The following ZNF17 variants were observed in gnomAD, a reference collection of about 807,000 sequenced individuals.
ZNF17 encodes the protein zinc finger protein 17 (HPF3, KOX 10).
ZNF17 carries 4 observed loss-of-function variants against 7.7 expected under a neutral mutation model. The observed-to-expected ratio is 0.52, with a 90% CI of 0.26 to 1.20. The LOEUF (loss-of-function observed/expected upper bound fraction) is 1.20, where lower values mean the gene tolerates loss of function less well. Among genes scored for constraint, ZNF17 ranks in the 50% most tolerant of loss-of-function variants. The pLI, the probability that ZNF17 is intolerant of heterozygous loss-of-function variation, is 0.14. For synonymous variants in ZNF17, 249 were observed against 258.8 expected, an observed-to-expected ratio of 0.96 and a Z score of 0.36; for missense variants, 738 against 799.5, an observed-to-expected ratio of 0.92 and a Z score of 0.93.
chr19:57,420,955 A>T lies in ZNF17; in HGVS notation c.1469A>T (p.His490Leu), dbSNP rs748526157. 6.2e-7 allele frequency: 1 copy of T among 1,614,198 alleles called. No homozygotes were observed. Among genetic ancestry groups the T allele is most frequent in the Admixed American group, 1.7e-5 (1 of 60,026 alleles). The change falls in exon 4 of 4, where the codon CAT becomes CTT. Residue 490 changes from histidine (H) to leucine (L), a missense_variant. By Grantham distance (99) the His-to-Leu change is moderately conservative. Transcript: ENST00000307658. ...FFVDSCTLKSHQRVHTGERPF... is the reference protein window; with the variant it reads ...FFVDSCTLKSLQRVHTGERPF... ...GTGGACAGCTGTACACTGAAGAGTC[A>T]TCAGAGAGTTCACACTGGAGAAAGA...
rs375225307 is a variant in ZNF17 at position 57,411,448 on chromosome 19, C to G, written c.-21+42C>G. On this transcript the variant is annotated intron_variant, in intron 1 of 3. Coordinates refer to ENST00000307658, the MANE Select transcript of ZNF17 (RefSeq NM_001330617.2). ...AGGGCGCCCCGCCCGATCCCTCCTC[C>G]GAGTGCCGAAGCCCCGAGGAGGGGC... 7.0e-5 allele frequency: 113 copies of G among 1,604,468 alleles called. No individual in the cohort carries two copies. The African/African-American group carries it at 1.4e-3, about 20-fold the overall frequency.
chr19:57,417,424 T>C (rs1188672612), intron 2 of ZNF17, among the ~76,000 whole-genome samples: 2 of 152,136 alleles, frequency 1.3e-5, no homozygotes, highest in Non-Finnish European at 2.9e-5. Context: ...CATGTGTGAT[T>C]GTTAGATAGG....
intron 2 of ZNF17, among the ~76,000 whole-genome samples, chr19:57,414,916 G>A (rs994694081): frequency 2.8e-4 from 43 of 151,432 alleles, no homozygotes; most frequent in Middle Eastern, 3.4e-3. Context: ...GGGTTTCACC[G>A]TGTTAGGATG....
chr19:57,420,068 C>T lies in ZNF17; in HGVS notation c.582C>T (p.Cys194=), dbSNP rs749663430. ...AFQSGQNNYS[C]TQCGKDFCHQ... is the part of the protein sequence containing the mutation. ...AAAGTGGACAGAATAATTACAGCTG[C>T]ACCCAATGTGGGAAAGACTTTTGCC... is the stretch of plus-strand genomic sequence containing the variant. Residue 194 remains cysteine (C), a synonymous_variant, in exon 4 of 4, where the codon TGC becomes TGT. Transcript: ENST00000307658. 6 of 1,614,242 alleles carry T rather than the reference C, an allele frequency of 3.7e-6. No individual in the cohort carries two copies. Among genetic ancestry groups the T allele is most frequent in the Non-Finnish European group, 5.1e-6 (6 of 1,180,044 alleles).
In ZNF17 at chr19:57,414,336, G is replaced by GT. The variant is rs1265171492; in HGVS notation, c.21+715dup. Reference sequence around the variant, plus strand: ...GGCTTGAGCCACCACACCTGGCCTTGTTTTTTTTTTTTTTTCCAGACAGAG... The same window carrying GT: ...GGCTTGAGCCACCACACCTGGCCTTGTTTTTTTTTTTTTTTTCCAGACAGAG... On this transcript the variant is annotated intron_variant, in intron 2 of 3. Coordinates refer to ENST00000307658, the MANE Select transcript of ZNF17 (RefSeq NM_001330617.2). 4.8e-3 allele frequency among the ~76,000 whole-genome samples: 664 copies of GT among 136,996 alleles called. 3 individuals carry two copies. The highest frequency in any genetic ancestry group is 4.2e-3 in the Non-Finnish European group (264 of 62,730). The allele number at this position is 136,996 out of a possible 152,430, so 89.9% of individuals were successfully genotyped here.
At chr19:57,417,829 G>A (rs1365793363) in intron 2 of ZNF17, 83 bp from the exon 3 acceptor site, 2 of 1,522,760 alleles carry the variant, frequency 1.3e-6, no homozygotes, top group Non-Finnish European at 8.8e-7. Context: ...CCTGGCAACA[G>A]AGCGAGACTC....
chr19:57,418,173 C>A, intron 3 of ZNF17, 135 bp downstream of exon 3: 1 of 1,189,676 alleles, frequency 8.4e-7, no homozygotes, highest in Non-Finnish European at 1.2e-6. Flanking sequence ...GTTGTGGCAG[C>A]TACAGCTGGG....
intron 2 of ZNF17, among the ~76,000 whole-genome samples, chr19:57,414,134 A>G (rs1461673153): frequency 6.6e-6 from 1 of 152,070 alleles, no homozygotes; most frequent in African/African-American, 2.4e-5. Context: ...TCCTGGTTCA[A>G]GCGATTCTCC....
rs199771810 is a variant in ZNF17 at position 57,420,462 on chromosome 19, C to G, written c.976C>G (p.His326Asp). The stretch of plus-strand genomic sequence containing the variant: ...TCACCTTGTTGGTCACCAGAAAATT[C>G]ATACTGGAGAACGGCCTTATGGATG... Reference protein sequence around the residue: ...QAHLVGHQKIHTGERPYGCNE... With the variant: ...QAHLVGHQKIDTGERPYGCNE... The change falls in exon 4 of 4, where the codon CAT (histidine) becomes GAT (aspartate). Residue 326 changes from histidine (H) to aspartate (D), a missense_variant. His to Asp is a moderately conservative substitution (Grantham distance 81). Coordinates refer to ENST00000307658, the MANE Select transcript of ZNF17 (RefSeq NM_001330617.2). The G allele has an allele frequency of 8.7e-6, 14 of 1,614,052 alleles. No homozygotes were observed. Among genetic ancestry groups the G allele is most frequent in the Admixed American group, 1.7e-5 (1 of 60,006 alleles).
intron 2 of ZNF17, among the ~76,000 whole-genome samples, chr19:57,416,294 G>T (rs190099641): frequency 1.7e-4 from 26 of 152,260 alleles, no homozygotes; most frequent in Non-Finnish European, 3.1e-4. Flanking sequence ...TGTGGTGGTT[G>T]TTAGTGTTGC....
intron 2 of ZNF17, among the ~76,000 whole-genome samples, chr19:57,416,350 C>T (rs938750702): frequency 4.6e-5 from 7 of 152,024 alleles, no homozygotes; most frequent in Non-Finnish European, 7.4e-5. Context: ...CATCCAAAGC[C>T]TGAGTGGAGG....
At position 57,420,564 on chromosome 19, in the gene ZNF17, T is replaced by G. The variant is rs1325845677; in HGVS notation, c.1078T>G (p.Phe360Val). The G allele has an allele frequency of 6.2e-7, 1 of 1,614,186 alleles. No individual in the cohort carries two copies. The highest frequency in any genetic ancestry group is 8.5e-7 in the Non-Finnish European group (1 of 1,179,980). ...GAAAGTTCACACTGGAGAAAGGCCT[T>G]TTTATTGCTGTGAATGTGGGAAATT... Reference protein sequence around the residue: ...HQKVHTGERPFYCCECGKFFM... With the variant: ...HQKVHTGERPVYCCECGKFFM... The change falls in exon 4 of 4, where the codon TTT (phenylalanine) becomes GTT (valine). Residue 360 changes from phenylalanine (F) to valine (V), a missense_variant. Transcript: ENST00000307658.
chr19:57,411,402 C>A lies in ZNF17; in HGVS notation c.-25C>A. 1 of 1,612,294 alleles carries A rather than the reference C, an allele frequency of 6.2e-7. No homozygotes were observed. Among genetic ancestry groups the A allele is most frequent in the Non-Finnish European group, 8.5e-7 (1 of 1,179,580 alleles). On this transcript the variant is annotated 5_prime_UTR_variant, in exon 1 of 4. In the 5' UTR this introduces an upstream ATG that the reference lacks. Transcript: ENST00000307658. Reference sequence around the variant, plus strand: ...GCGGAGGCTGCGCCGATGAACCTGACTGAGGTGGGTGCCGCGTCCCAGGGC... The same window carrying A: ...GCGGAGGCTGCGCCGATGAACCTGAATGAGGTGGGTGCCGCGTCCCAGGGC...
At chr19:57,416,129 G>A (rs1044259063) in intron 2 of ZNF17, among the ~76,000 whole-genome samples, 1 of 152,166 alleles carries the variant, frequency 6.6e-6, no homozygotes, top group East Asian at 1.9e-4. Flanking sequence ...AAAGAAACAG[G>A]ATTGGGTTGG....
In ZNF17 at chr19:57,417,982, A is replaced by G. The variant is rs2088822685; in HGVS notation, c.92A>G (p.Gln31Arg). 29 of 1,614,064 alleles carry G rather than the reference A, an allele frequency of 1.8e-5. No homozygotes were observed. Among genetic ancestry groups the G allele is most frequent in the Non-Finnish European group, 2.3e-5 (27 of 1,180,042 alleles). Residue 31 changes from glutamine (Q) to arginine (R), a missense_variant, in exon 3 of 4, where the codon CAG becomes CGG. By Grantham distance (43) the Gln-to-Arg change is conservative (BLOSUM62 1). Transcript: ENST00000307658. ...QEEWGILNDV[Q>R]RHLHSDVMLE... Reference sequence around the variant, plus strand: ...GAGTGGGGAATTCTTAATGACGTTCAGAGACACCTGCACAGCGATGTGATG... The same window carrying G: ...GAGTGGGGAATTCTTAATGACGTTCGGAGACACCTGCACAGCGATGTGATG...
At position 57,411,267 on chromosome 19, in the gene ZNF17, C is replaced by A; in HGVS notation, c.-160C>A. On this transcript the variant is annotated 5_prime_UTR_variant, in exon 1 of 4. Coordinates refer to ENST00000307658, the MANE Select transcript of ZNF17 (RefSeq NM_001330617.2). ...GGAAAAACGCGAGAAAAGGTTTCCCCGTTGTACAGAGGCTAGAGTGAGGCT... is the reference window on the plus strand; with the variant it reads ...GGAAAAACGCGAGAAAAGGTTTCCCAGTTGTACAGAGGCTAGAGTGAGGCT... 1 of 1,360,448 alleles carries A rather than the reference C, an allele frequency of 7.4e-7. No individual in the cohort carries two copies. The allele number at this position is 1,360,448 out of a possible 1,614,324, so 84.3% of individuals were successfully genotyped here. A position where few individuals can be genotyped will look rare whatever the true frequency, so the allele number is the denominator to read the frequency against.
In ZNF17 at chr19:57,411,207, A is replaced by C; in HGVS notation, c.-220A>C. The stretch of plus-strand genomic sequence containing the variant: ...AATATGGCTGCGTTGGGATCTGTTC[A>C]CCTTCAGGCTGAGTCGAGACTGAGG... On this transcript the variant is annotated 5_prime_UTR_variant, in exon 1 of 4. Transcript: ENST00000307658. 1.3e-6 allele frequency: 1 copy of C among 784,516 alleles called. No homozygotes were observed. Among genetic ancestry groups the C allele is most frequent in the Non-Finnish European group, 2.0e-6 (1 of 511,758 alleles). The allele number at this position is 784,516 out of a possible 1,614,324, so 48.6% of individuals were successfully genotyped here. A position where few individuals can be genotyped will look rare whatever the true frequency, so the allele number is the denominator to read the frequency against.
Position 57,421,887 on chromosome 19 carries a change from A to G in ZNF17, c.*406A>G, listed in dbSNP as rs575203040. On this transcript the variant is annotated 3_prime_UTR_variant, in exon 4 of 4. Transcript: ENST00000307658. Reference sequence around the variant, plus strand: ...CATGTTCTAATCCATTAGAATTTCCATCCTTTTTAAAGGCTGAATAAAATT... The same window carrying G: ...CATGTTCTAATCCATTAGAATTTCCGTCCTTTTTAAAGGCTGAATAAAATT... 6.3e-6 allele frequency: 1 copy of G among 158,106 alleles called. No homozygotes were observed. The highest frequency in any genetic ancestry group is 1.9e-4 in the East Asian group (1 of 5,330). 9.8% of individuals were successfully genotyped at this position (158,106 alleles called of 1,614,324 possible).
chr19:57,419,216 C>G (rs767581085), intron 3 of ZNF17: 4 of 165,822 alleles, frequency 2.4e-5, no homozygotes, highest in African/African-American at 9.6e-5. Flanking sequence ...GTAGTGCCCT[C>G]AACATATGAC....
Sources: gnomAD v4.1 joint callset for allele counts (sites outside exome capture counted in the v4.1 genomes callset) on GRCh38, gnomAD v4.1.1 for gene constraint, MANE v1.5 for transcripts, NCBI Gene and HGNC (gene_info 2026-07-23, HGNC 2026-07-21) for gene names.